Variants in HS1BP3 observed in about 807,000 individuals in gnomAD.
HS1BP3 encodes the protein HCLS1-binding protein 3.
A neutral mutation model predicts 33.5 loss-of-function variants in HS1BP3; 32 were observed. The ratio of observed to expected loss-of-function variants is 0.95; its 90% CI spans 0.72 to 1.28. HS1BP3 has a LOEUF of 1.28. HS1BP3 is among the 50% of genes most tolerant of loss of function. The pLI is 0.00. For synonymous variants in HS1BP3, 187 were observed against 209.2 expected (o/e 0.89, Z 0.92); for missense variants, 486 against 502.3 (o/e 0.97, Z 0.31).
intron 5 of HS1BP3, among the ~76,000 whole-genome samples, chr2:20,578,496 C>A (rs188275102): frequency 6.6e-6 from 1 of 152,304 alleles, no homozygotes; most frequent in East Asian, 1.9e-4. Context: ...AGTTCTTGCC[C>A]GGAGGCTCTC....
At chr2:20,637,037 C>CT (rs1558347110) in intron 4 of HS1BP3, 2 of 148,596 alleles carry the variant, frequency 1.3e-5, no homozygotes, top group Non-Finnish European at 3.0e-5. Flanking sequence ...TGCCCCCGCC[C>CT]CCCCCGCCCC....
intron 1 of HS1BP3, among the ~76,000 whole-genome samples, chr2:20,647,459 G>A (rs1124835): frequency 0.57 from 85,894 of 152,022 alleles, 24,342 homozygotes; most frequent in East Asian, 0.67. Context: ...TGAAGGCACA[G>A]CACCACACCA....
At chr2:20,616,688 C>A (rs940658637), downstream of HS1BP3, among the ~76,000 whole-genome samples, 4 of 152,190 alleles carry the variant, frequency 2.6e-5, no homozygotes, top group African/African-American at 9.7e-5. Flanking sequence ...CTTCCCCTAC[C>A]CTAAGCAGCA....
At chr2:20,565,579 G>A (rs559417040) in intron 5 of HS1BP3, among the ~76,000 whole-genome samples, 9 of 152,352 alleles carry the variant, frequency 5.9e-5, no homozygotes, top group African/African-American at 1.9e-4. Context: ...GGAAAGGGTG[G>A]TGGTGGGGAC....
intron 5 of HS1BP3, among the ~76,000 whole-genome samples, chr2:20,560,867 G>A (rs1306325269): frequency 2.0e-5 from 3 of 152,146 alleles, no homozygotes; most frequent in Non-Finnish European, 4.4e-5. Flanking sequence ...CCTGGGGACT[G>A]TGGGTGGGAG....
At chr2:20,624,371 G>A (rs1694703226) in intron 5 of HS1BP3, among the ~76,000 whole-genome samples, 1 of 152,174 alleles carries the variant, frequency 6.6e-6, no homozygotes, top group African/African-American at 2.4e-5. Flanking sequence ...GGCATGTGAG[G>A]AAAGGGACCA....
chr2:20,650,007 A>G (rs1695639350), intron 1 of HS1BP3, among the ~76,000 whole-genome samples: 1 of 152,212 alleles, frequency 6.6e-6, no homozygotes, highest in Non-Finnish European at 1.5e-5. Context: ...AAGGAAACTG[A>G]GGCTTGGTGA....
chr2:20,559,490 T>C (rs528533313), downstream of HS1BP3, among the ~76,000 whole-genome samples: 84 of 143,384 alleles, frequency 5.9e-4, no homozygotes, highest in Admixed American at 1.9e-3. Flanking sequence ...GGATGGATGA[T>C]TGGATGAATG....
chr2:20,649,300 G>A lies in HS1BP3; in HGVS notation c.32+1732C>T, dbSNP rs2149305851. ...TCGGGACCCTGGCTCCTGCTGTCCT[G>A]TCCTCCCAGTACACACTTTTCCAAG... On this transcript the variant is annotated intron_variant, in intron 1 of 6. Transcript: ENST00000304031. Among the ~76,000 whole-genome samples, 3 of 152,268 alleles carry A rather than the reference G, an allele frequency of 2.0e-5. No homozygotes were observed. The South Asian group carries it at 6.2e-4, about 32-fold the overall frequency.
chr2:20,567,657 A>T (rs941877497), intron 5 of HS1BP3, among the ~76,000 whole-genome samples: 4 of 152,236 alleles, frequency 2.6e-5, no homozygotes, highest in Admixed American at 2.0e-4. Flanking sequence ...GGGGCCAGAC[A>T]GTCTCCAGGC....
intron 2 of HS1BP3, chr2:20,606,313 A>G: frequency 2.2e-6 from 1 of 462,252 alleles, no homozygotes; most frequent in Non-Finnish European, 4.3e-6. Context: ...GTGCATCTCC[A>G]CCCTTGGTAT....
intron 5 of HS1BP3, among the ~76,000 whole-genome samples, chr2:20,567,584 C>A (rs960597963): frequency 1.3e-5 from 2 of 152,214 alleles, no homozygotes; most frequent in Admixed American, 6.5e-5. Flanking sequence ...GGCATAAAGA[C>A]CTACTTCCCC....
downstream of HS1BP3, among the ~76,000 whole-genome samples, chr2:20,555,999 T>C (rs1692833349): frequency 6.6e-6 from 1 of 152,204 alleles, no homozygotes; most frequent in Non-Finnish European, 1.5e-5. Flanking sequence ...GTAAAAGTGC[T>C]GTAGACAGGT....
intron 4 of HS1BP3, chr2:20,635,152 C>A (rs1223559754): frequency 6.6e-6 from 1 of 152,202 alleles, no homozygotes; most frequent in African/African-American, 2.4e-5. Flanking sequence ...GAAGCAGCTT[C>A]AGGGACCTTG....
intron 5 of HS1BP3, among the ~76,000 whole-genome samples, chr2:20,576,406 C>A (rs1231132256): frequency 6.6e-6 from 1 of 152,186 alleles, no homozygotes; most frequent in African/African-American, 2.4e-5. Context: ...AGAAGCCTGC[C>A]CAGTACAGCT....
At chr2:20,598,539 CTTTTTTTTTTTTTTTTTTTTTTT>C (rs67769731) in intron 2 of HS1BP3, among the ~76,000 whole-genome samples, 3 of 63,850 alleles carry the variant, frequency 4.7e-5, no homozygotes, top group African/African-American at 2.0e-4. Context: ...ACCGGTACTT[CTTTTTTTTTTTTTTTTTTTTTTT>C]TTTTTTTTTT....
the HS1BP3 span, among the ~76,000 whole-genome samples, chr2:20,555,185 C>T: frequency 2.0e-5 from 3 of 152,234 alleles, no homozygotes; most frequent in East Asian, 5.8e-4. Flanking sequence ...CCATGCGACG[C>T]TAGGAACTGT....
chr2:20,595,932 T>G (rs1335337043), intron 3 of HS1BP3, among the ~76,000 whole-genome samples: 1 of 152,230 alleles, frequency 6.6e-6, no homozygotes, highest in Non-Finnish European at 1.5e-5. Context: ...GCATGGCTGA[T>G]GACAGTTTCC....
intron 1 of HS1BP3, among the ~76,000 whole-genome samples, chr2:20,647,104 C>T (rs531831562): frequency 1.4e-4 from 21 of 152,142 alleles, no homozygotes; most frequent in Non-Finnish European, 1.6e-4. Flanking sequence ...GCCTGAGCTG[C>T]GGGGAGGTCC....
Sources: allele counts gnomAD v4.1 joint callset (sites outside exome capture counted in the v4.1 genomes callset), GRCh38; gene constraint gnomAD v4.1.1; transcripts MANE v1.5; gene names NCBI Gene and HGNC (gene_info 2026-07-23, HGNC 2026-07-21).